The following WDFY4 variants were observed in gnomAD, a reference collection of about 807,000 sequenced individuals.
WDFY4 encodes WD repeat- and FYVE domain-containing protein 4.
Under a neutral mutation model 351.9 loss-of-function variants are expected in WDFY4, and 169 were observed. The ratio of observed to expected loss-of-function variants is 0.48; its 90% CI spans 0.42 to 0.55. The LOEUF (loss-of-function observed/expected upper bound fraction) is 0.55. WDFY4 is among the 20% of genes least tolerant of loss of function. The pLI, the probability that WDFY4 is intolerant of heterozygous loss-of-function variation, is 0.00. For synonymous variants in WDFY4, 1,622 were observed against 1,574.6 expected (o/e 1.03, Z -0.71); for missense variants, 3,803 against 3,935.6 (o/e 0.97, Z 0.90).
At chr10:48,700,745 G>A (rs951774894) in intron 1 of WDFY4, among the ~76,000 whole-genome samples, 1 of 152,230 alleles carries the variant, frequency 6.6e-6, no homozygotes, top group Admixed American at 6.5e-5. Flanking sequence ...ATCACGTTAG[G>A]TGGGCACAGC....
At chr10:48,953,333 T>TCCCTCTCTCTCACA (rs771339557) in intron 51 of WDFY4, among the ~76,000 whole-genome samples, 1 of 128,130 alleles carries the variant, frequency 7.8e-6, no homozygotes, top group Admixed American at 7.9e-5. Flanking sequence ...TCTCTCTCTC[T>TCCCTCTCTCTCACA]CACACACACA....
At chr10:48,837,871 C>A (rs1309763312) in intron 39 of WDFY4, among the ~76,000 whole-genome samples, 2 of 152,200 alleles carry the variant, frequency 1.3e-5, no homozygotes, top group African/African-American at 4.8e-5. Context: ...CTATCCCAGG[C>A]AGTGGGCCAG....
chr10:48,880,216 G>A (rs894927912), intron 43 of WDFY4, among the ~76,000 whole-genome samples: 2 of 152,202 alleles, frequency 1.3e-5, no homozygotes, highest in Non-Finnish European at 2.9e-5. Flanking sequence ...TTTATGGTCA[G>A]GGACCCGAGT....
intron 53 of WDFY4, among the ~76,000 whole-genome samples, chr10:48,960,253 A>T (rs1457531735): frequency 6.6e-6 from 1 of 152,254 alleles, no homozygotes; most frequent in African/African-American, 2.4e-5. Context: ...TAGAGACCAG[A>T]GGTCATTAGG....
chr10:48,783,365 T>A (rs1363728182), intron 19 of WDFY4, among the ~76,000 whole-genome samples: 1 of 152,110 alleles, frequency 6.6e-6, no homozygotes, highest in African/African-American at 2.4e-5. Flanking sequence ...TATAGCACTA[T>A]TTTTTATTGT....
chr10:48,719,484 G>A (rs1056763023), intron 2 of WDFY4, among the ~76,000 whole-genome samples: 1 of 152,084 alleles, frequency 6.6e-6, no homozygotes, highest in Non-Finnish European at 1.5e-5. Context: ...AGCTGAGTTA[G>A]TAATATGTAC....
At chr10:48,867,418 C>A in intron 40 of WDFY4, 76 bp downstream of exon 40, 3 of 992,480 alleles carry the variant, frequency 3.0e-6, no homozygotes, top group South Asian at 4.4e-5. Flanking sequence ...ATTGGAAGGG[C>A]CTTTGGTTTA....
intron 48 of WDFY4, 108 bp from the exon 49 acceptor site, chr10:48,943,222 C>T (rs1356872170): frequency 1.5e-6 from 2 of 1,350,092 alleles, no homozygotes; most frequent in African/African-American, 2.9e-5. Flanking sequence ...GGCTGCCTGT[C>T]CTCACCCACA....
intron 3 of WDFY4, among the ~76,000 whole-genome samples, 199 bp from the exon 4 acceptor site, chr10:48,721,062 A>G (rs1301373597): frequency 6.6e-6 from 1 of 152,094 alleles, no homozygotes; most frequent in Admixed American, 6.5e-5. Context: ...GGCACAAAAA[A>G]CGCTGTCTTC....
intron 60 of WDFY4, chr10:48,979,769 T>C (rs1027338590): frequency 6.6e-6 from 1 of 152,230 alleles, no homozygotes; most frequent in Non-Finnish European, 1.5e-5. Flanking sequence ...TTGCACTCAC[T>C]GGTCATGGGG....
At chr10:48,749,733 G>A (rs1270125412) in intron 12 of WDFY4, among the ~76,000 whole-genome samples, 1 of 152,150 alleles carries the variant, frequency 6.6e-6, no homozygotes, top group Non-Finnish European at 1.5e-5. Context: ...TCTCTGTGCA[G>A]GACTGTGGCA....
chr10:48,970,414 T>G, intron 57 of WDFY4, 125 bp downstream of exon 57: 1 of 1,321,304 alleles, frequency 7.6e-7, no homozygotes, highest in Non-Finnish European at 1.0e-6. Context: ...CTCTGCTCAC[T>G]GAGGGCCCTG....
intron 13 of WDFY4, among the ~76,000 whole-genome samples, chr10:48,767,369 C>T (rs572272929): frequency 1.3e-5 from 2 of 152,288 alleles, no homozygotes; most frequent in South Asian, 4.1e-4. Context: ...AGTCTGTGTT[C>T]TGGGTCGTGG....
intron 32 of WDFY4, among the ~76,000 whole-genome samples, chr10:48,818,664 T>A (rs2067704604): frequency 6.6e-6 from 1 of 152,248 alleles, no homozygotes; most frequent in African/African-American, 2.4e-5. Flanking sequence ...ACAGTCAGTT[T>A]AAAATAAAAT....
Position 48,731,501 on chromosome 10 carries a change from A to T in WDFY4, c.1521A>T (p.Ser507=), listed in dbSNP as rs145135195. 2.7e-3 allele frequency: 4,258 copies of T among 1,551,548 alleles called. 12 individuals carry two copies. The highest frequency in any genetic ancestry group is 4.4e-3 in the South Asian group (372 of 84,058). The change falls in exon 9 of 62, where the codon TCA becomes TCT. Residue 507 remains serine, a synonymous_variant. Coordinates refer to ENST00000325239, the MANE Select transcript of WDFY4 (RefSeq NM_001394531.1). ...DPLFTDIFRD[S]GLLGLLLAQL... ...TCTTCACCGACATCTTCCGGGACTCAGGGCTCCTGGGCCTGCTACTGGCAC... is the reference window on the plus strand; with the variant it reads ...TCTTCACCGACATCTTCCGGGACTCTGGGCTCCTGGGCCTGCTACTGGCAC...
intron 25 of WDFY4, among the ~76,000 whole-genome samples, chr10:48,803,570 C>A (rs2067154713): frequency 6.6e-6 from 1 of 152,156 alleles, no homozygotes; most frequent in Non-Finnish European, 1.5e-5. Flanking sequence ...TTAGAGGCCT[C>A]TCTAGCCCCA....
intron 38 of WDFY4, among the ~76,000 whole-genome samples, chr10:48,831,971 T>G (rs1384499625): frequency 3.3e-5 from 5 of 152,216 alleles, no homozygotes; most frequent in Admixed American, 3.3e-4. Context: ...CCACCACAAT[T>G]GGGATTAAGT....
At chr10:48,845,136 G>A (rs1031857718) in intron 39 of WDFY4, among the ~76,000 whole-genome samples, 1 of 152,202 alleles carries the variant, frequency 6.6e-6, no homozygotes, top group East Asian at 1.9e-4. Context: ...ACACCCCTTG[G>A]GGGAGTGGGA....
intron 12 of WDFY4, among the ~76,000 whole-genome samples, chr10:48,749,553 C>T (rs1369966183): frequency 6.6e-6 from 1 of 152,134 alleles, no homozygotes; most frequent in Non-Finnish European, 1.5e-5. Flanking sequence ...ATCCACACTA[C>T]ATACACACAC....
Sources: allele counts gnomAD v4.1 joint callset (sites outside exome capture counted in the v4.1 genomes callset), GRCh38; gene constraint gnomAD v4.1.1; transcripts MANE v1.5; gene names NCBI Gene and HGNC (gene_info 2026-07-23, HGNC 2026-07-21).